The following SLC39A11 variants were observed in gnomAD, a reference collection of about 807,000 sequenced individuals.
SLC39A11 encodes the protein solute carrier family 39 member 11.
In SLC39A11, 33 loss-of-function variants were observed where a neutral mutation model predicts 36.1. The ratio of observed to expected loss-of-function variants is 0.91; its 90% confidence interval spans 0.69 to 1.22. The LOEUF (loss-of-function observed/expected upper bound fraction) is 1.22, where lower values mean the gene tolerates loss of function less well. SLC39A11 is among the 50% of genes most tolerant of loss of function. The pLI is 0.00. For synonymous variants in SLC39A11, 166 were observed against 170.3 expected (o/e 0.97, Z 0.20); for missense variants, 432 against 430.3 (o/e 1.00, Z -0.03).
rs556483412 is a variant in SLC39A11, at chr17:73,035,871, A to G, written c.148-4157T>C. Among the ~76,000 whole-genome samples, 826 of 149,670 alleles carry G rather than the reference A, an allele frequency of 5.5e-3. 5 individuals are homozygous for G. Among genetic ancestry groups the G allele is most frequent in the African/African-American group, 0.019 (783 of 41,032 alleles). ...AGAGCGACACTCCATCTCAAAAAAA[A>G]AAAAAAAAAAAAAAAAGAAGGGTCA... is the stretch of plus-strand genomic sequence containing the variant. On this transcript the variant is annotated intron_variant, in intron 3 of 9. Transcript: ENST00000255559.
chr17:73,049,307 C>T (rs771464156), intron 3 of SLC39A11, among the ~76,000 whole-genome samples: 22 of 152,122 alleles, frequency 1.4e-4, no homozygotes, highest in Non-Finnish European at 1.9e-4. Flanking sequence ...GAGCGCTATG[C>T]GAAAGGATGC....
At chr17:72,961,064 G>C (rs1163274844) in intron 4 of SLC39A11, among the ~76,000 whole-genome samples, 2 of 152,188 alleles carry the variant, frequency 1.3e-5, no homozygotes, top group African/African-American at 2.4e-5. Context: ...CAGCATGAAA[G>C]AGCGAGCCTA....
intron 6 of SLC39A11, among the ~76,000 whole-genome samples, chr17:72,810,642 G>T (rs2077405258): frequency 6.6e-6 from 1 of 151,876 alleles, no homozygotes; most frequent in Admixed American, 6.6e-5. Context: ...AGGGTATTTT[G>T]TATCATGATC....
chr17:72,689,126 G>C (rs2071894496), intron 7 of SLC39A11, among the ~76,000 whole-genome samples: 1 of 152,168 alleles, frequency 6.6e-6, no homozygotes, highest in South Asian at 2.1e-4. Context: ...TAAATATTTG[G>C]TGTCCTCTGC....
At chr17:72,935,570 C>T (rs2147504258) in intron 5 of SLC39A11, among the ~76,000 whole-genome samples, 1 of 152,152 alleles carries the variant, frequency 6.6e-6, no homozygotes, top group African/African-American at 2.4e-5. Context: ...TATTCATGTC[C>T]TTTATCACCT....
chr17:72,993,028 A>C (rs1011974723), intron 4 of SLC39A11: 3 of 152,202 alleles, frequency 2.0e-5, no homozygotes, highest in African/African-American at 7.2e-5. Flanking sequence ...CTTATTCACT[A>C]TCATGAGAAC....
intron 7 of SLC39A11, among the ~76,000 whole-genome samples, chr17:72,716,754 A>G (rs1337612171): frequency 6.6e-6 from 1 of 152,034 alleles, no homozygotes; most frequent in Non-Finnish European, 1.5e-5. Flanking sequence ...GGATCACTTG[A>G]GGACAGGAGT....
At chr17:72,754,035 TATATATATATACACATACAC>T (rs1480757162) in intron 6 of SLC39A11, among the ~76,000 whole-genome samples, 25 of 119,246 alleles carry the variant, frequency 2.1e-4, no homozygotes, top group African/African-American at 7.9e-4. Flanking sequence ...TATATATATA[TATATATATATACACATACAC>T]ACACACACAC....
chr17:72,704,785 T>C lies in SLC39A11; in HGVS notation c.671+31865A>G, dbSNP rs772851601. Among the ~76,000 whole-genome samples, 6 of 152,160 alleles carry C rather than the reference T, an allele frequency of 3.9e-5. No homozygotes were observed. The South Asian group carries it at 1.2e-3, about 32-fold the overall frequency. ...TCCAGTCCAAGCTCTAGGGATAAAC[T>C]GTGACCCTACCCTGAACAATGGGTG... On this transcript the variant is annotated intron_variant, in intron 7 of 9. Transcript: ENST00000255559.
At position 72,951,261 on chromosome 17, in the gene SLC39A11, C is replaced by CAAAAAAAAAAAA. The variant is rs61453793; in HGVS notation, c.307-3398_307-3387dup. Among the ~76,000 whole-genome samples the CAAAAAAAAAAAA allele has an allele frequency of 1.8e-4, 16 of 86,974 alleles. 1 individual carries two copies. The highest frequency in any genetic ancestry group is 6.7e-4 in the East Asian group (2 of 2,964). 57.1% of individuals were successfully genotyped at this position (86,974 alleles called of 152,430 possible). A position where few individuals can be genotyped will look rare whatever the true frequency, so the allele number is the denominator to read the frequency against. On this transcript the variant is annotated intron_variant, in intron 4 of 9. Transcript: ENST00000255559. ...TGGGCAACGGAGAGTGACCCTGTTGCAAAAAAAAAAAAAAAAAGCCAGCAA... is the reference window on the plus strand; with the variant it reads ...TGGGCAACGGAGAGTGACCCTGTTGCAAAAAAAAAAAAAAAAAAAAAAAAAAAAAGCCAGCAA...
At chr17:72,748,807 A>G (rs900207879) in intron 6 of SLC39A11, among the ~76,000 whole-genome samples, 4 of 152,226 alleles carry the variant, frequency 2.6e-5, no homozygotes, top group Non-Finnish European at 1.5e-5. Flanking sequence ...TGTCATGCCC[A>G]GATGCATGCC....
chr17:72,759,476 C>A (rs1311544665), intron 6 of SLC39A11, among the ~76,000 whole-genome samples: 1 of 152,194 alleles, frequency 6.6e-6, no homozygotes, highest in Non-Finnish European at 1.5e-5. Context: ...TTCCTTAAAG[C>A]TTTTGATTGT....
At chr17:72,652,300 C>T (rs939673536) in intron 7 of SLC39A11, among the ~76,000 whole-genome samples, 5 of 152,218 alleles carry the variant, frequency 3.3e-5, no homozygotes, top group Non-Finnish European at 5.9e-5. Flanking sequence ...CCTATCTCTT[C>T]TTATGTTCTC....
At chr17:72,790,885 G>A (rs1167849829) in intron 6 of SLC39A11, among the ~76,000 whole-genome samples, 2 of 152,132 alleles carry the variant, frequency 1.3e-5, no homozygotes, top group Non-Finnish European at 2.9e-5. Flanking sequence ...CAGTTAGTGG[G>A]ACCCTGAGCA....
chr17:72,788,187 C>G (rs887522050), intron 6 of SLC39A11, among the ~76,000 whole-genome samples: 15 of 152,180 alleles, frequency 9.9e-5, no homozygotes, highest in African/African-American at 3.6e-4. Flanking sequence ...ACTGGTTAGG[C>G]CCAGGTATTT....
At chr17:72,900,153 AAAAGAAAGAAAGAAAG>A (rs201428795) in intron 5 of SLC39A11, among the ~76,000 whole-genome samples, 1,690 of 61,218 alleles carry the variant, frequency 0.028, 90 homozygotes, top group Non-Finnish European at 0.035. Flanking sequence ...AGAAAGAAAG[AAAAGAAAGAAAGAAAG>A]AAAGAAAGAA....
chr17:72,819,940 C>CA (rs1206501575), intron 6 of SLC39A11, among the ~76,000 whole-genome samples: 2 of 151,138 alleles, frequency 1.3e-5, no homozygotes, highest in Non-Finnish European at 3.0e-5. Flanking sequence ...TCAATCCTGT[C>CA]AATTCATGCT....
intron 7 of SLC39A11, among the ~76,000 whole-genome samples, chr17:72,693,597 C>T (rs1355804574): frequency 1.3e-5 from 2 of 152,198 alleles, no homozygotes; most frequent in East Asian, 3.8e-4. Flanking sequence ...AGCCGCTGCA[C>T]GCTCAGCAGC....
chr17:72,800,869 G>A (rs539040136), intron 6 of SLC39A11, among the ~76,000 whole-genome samples: 1 of 152,174 alleles, frequency 6.6e-6, no homozygotes, highest in African/African-American at 2.4e-5. Context: ...TAGACAGAAT[G>A]AAAAAGGTAG....
Sources: gnomAD v4.1 joint callset for allele counts (sites outside exome capture counted in the v4.1 genomes callset) on GRCh38, gnomAD v4.1.1 for gene constraint, MANE v1.5 for transcripts, NCBI Gene and HGNC (gene_info 2026-07-23, HGNC 2026-07-21) for gene names.